The following OSBPL8 variants were observed in gnomAD, a reference collection of about 807,000 sequenced individuals.
OSBPL8 encodes oxysterol-binding protein-related protein 8.
Under a neutral mutation model 125.5 loss-of-function variants are expected in OSBPL8, and 59 were observed. The ratio of observed to expected loss-of-function variants is 0.47; its 90% CI spans 0.38 to 0.58. The LOEUF (loss-of-function observed/expected upper bound fraction) is 0.58. Among genes scored for constraint, OSBPL8 ranks in the 20% least tolerant of loss-of-function variants. The pLI is 0.00. For missense variants in OSBPL8, 758 were observed against 1,047.8 expected (o/e 0.72, Z 3.82); for synonymous variants, 330 against 338.9 (o/e 0.97, Z 0.29).
chr12:76,366,111 G>A (rs1255805117), intron 21 of OSBPL8, among the ~76,000 whole-genome samples: 1 of 152,170 alleles, frequency 6.6e-6, no homozygotes, highest in Non-Finnish European at 1.5e-5. Flanking sequence ...GAATAAGTTA[G>A]GAAATGTTCC....
At chr12:76,446,823 T>C (rs1002222562) in intron 4 of OSBPL8, among the ~76,000 whole-genome samples, 1 of 152,072 alleles carries the variant, frequency 6.6e-6, no homozygotes, top group African/African-American at 2.4e-5. Flanking sequence ...TACCAATGAC[T>C]GAAACACAAT....
chr12:76,461,109 T>C (rs919584848), intron 2 of OSBPL8, among the ~76,000 whole-genome samples: 7 of 152,182 alleles, frequency 4.6e-5, no homozygotes, highest in African/African-American at 1.7e-4. Context: ...CAAAGTTATA[T>C]TCTCCTGGGC....
chr12:76,522,723 C>A (rs1950056653), intron 1 of OSBPL8, among the ~76,000 whole-genome samples: 1 of 152,156 alleles, frequency 6.6e-6, no homozygotes, highest in Non-Finnish European at 1.5e-5. Flanking sequence ...GCTAAACAAA[C>A]CTCTTTTCTT....
intron 1 of OSBPL8, among the ~76,000 whole-genome samples, chr12:76,553,704 G>C (rs1412566482): frequency 6.7e-6 from 1 of 148,954 alleles, no homozygotes. Flanking sequence ...GGCCAGAGGA[G>C]GTAGCTCACG....
rs146491659 is a variant in OSBPL8, at chr12:76,492,508, G to A, written c.-67-4890C>T. Among the ~76,000 whole-genome samples, 3 of 152,266 alleles carry A rather than the reference G, an allele frequency of 2.0e-5. No individual in the cohort carries two copies. In the East Asian group the frequency reaches 5.8e-4, roughly 29 times the overall value. On this transcript the variant is annotated intron_variant, in intron 1 of 23. Coordinates refer to ENST00000261183, the MANE Select transcript of OSBPL8 (RefSeq NM_020841.5). ...TGGACCACACAGCAGGAGGTGAAAG[G>A]TGGGTGAGTGAGTGAAGCTTCATCT...
At chr12:76,398,067 T>C (rs1442420028) in intron 7 of OSBPL8, among the ~76,000 whole-genome samples, 170 bp from the exon 8 acceptor site, 3 of 152,220 alleles carry the variant, frequency 2.0e-5, no homozygotes, top group Admixed American at 6.5e-5. Context: ...GAAAATGACA[T>C]GGCTCTTATT....
rs1050483039 is a variant in OSBPL8, at chr12:76,421,880, C to T, written c.218-11246G>A. Among the ~76,000 whole-genome samples the T allele has an allele frequency of 1.1e-4, 17 of 151,658 alleles. 1 individual carries two copies. The South Asian group carries it at 2.9e-3, about 26-fold the overall frequency. On this transcript the variant is annotated intron_variant, in intron 4 of 23. Coordinates refer to ENST00000261183, the MANE Select transcript of OSBPL8 (RefSeq NM_020841.5). ...TGCCTAAATCATAGCTGTCAAATGC[C>T]TAATAAATATAACCCTAAAAATATC...
Position 76,465,433 on chromosome 12 carries a change from G to A in OSBPL8, c.43-5538C>T, listed in dbSNP as rs1161307429. Among the ~76,000 whole-genome samples the A allele has an allele frequency of 2.6e-5, 4 of 151,946 alleles. 1 individual carries two copies. Among genetic ancestry groups the A allele is most frequent in the African/African-American group, 7.3e-5 (3 of 41,340 alleles). On this transcript the variant is annotated intron_variant, in intron 2 of 23. Coordinates refer to ENST00000261183, the MANE Select transcript of OSBPL8 (RefSeq NM_020841.5). ...AAATTAGCCGGGCGTGGTGGCGGGC[G>A]CCTATAGTCCTAGCTACTCAGGAGG...
intron 4 of OSBPL8, among the ~76,000 whole-genome samples, chr12:76,417,329 C>A (rs1231952382): frequency 6.6e-6 from 1 of 152,184 alleles, no homozygotes; most frequent in Non-Finnish European, 1.5e-5. Context: ...CACCCTCTGT[C>A]TTTGATGGTC....
intron 21 of OSBPL8, among the ~76,000 whole-genome samples, chr12:76,367,226 A>AT (rs1952450594): frequency 9.3e-6 from 1 of 107,178 alleles, no homozygotes. Context: ...GGCTTTGTTG[A>AT]TTGGTGTGTG....
chr12:76,539,789 G>T (rs1222338285), intron 1 of OSBPL8, among the ~76,000 whole-genome samples: 1 of 152,156 alleles, frequency 6.6e-6, no homozygotes, highest in Non-Finnish European at 1.5e-5. Context: ...TATACAAGAA[G>T]ATAGCACGAT....
chr12:76,556,192 C>G (rs1488342242), intron 1 of OSBPL8, among the ~76,000 whole-genome samples: 1 of 152,148 alleles, frequency 6.6e-6, no homozygotes, highest in African/African-American at 2.4e-5. Flanking sequence ...AACTATTGAA[C>G]ATTTGGAGAT....
rs149046272 is a variant in OSBPL8, at chr12:76,492,513, T to C, written c.-67-4895A>G. On this transcript the variant is annotated intron_variant, in intron 1 of 23. Coordinates refer to ENST00000261183, the MANE Select transcript of OSBPL8 (RefSeq NM_020841.5). ...CACACAGCAGGAGGTGAAAGGTGGG[T>C]GAGTGAGTGAAGCTTCATCTGTATT... 7.8e-4 allele frequency among the ~76,000 whole-genome samples: 119 copies of C among 152,160 alleles called. 1 individual carries two copies. The highest frequency in any genetic ancestry group is 1.0e-3 in the Non-Finnish European group (71 of 67,974).
At chr12:76,508,310 C>G (rs12298661) in intron 1 of OSBPL8, among the ~76,000 whole-genome samples, 21,968 of 152,176 alleles carry the variant, frequency 0.14, 1,771 homozygotes, top group South Asian at 0.23. Context: ...CTGAACTAAT[C>G]TACACTATAG....
chr12:76,445,001 G>A (rs1362428490), intron 4 of OSBPL8, among the ~76,000 whole-genome samples: 2 of 152,034 alleles, frequency 1.3e-5, no homozygotes, highest in Non-Finnish European at 2.9e-5. Flanking sequence ...ATTTCCCTCA[G>A]AGATCTACTT....
At chr12:76,490,290 C>T (rs116200757) in intron 1 of OSBPL8, among the ~76,000 whole-genome samples, 1,966 of 152,328 alleles carry the variant, frequency 0.013, 22 homozygotes, top group Middle Eastern at 0.037. Context: ...AAGCGTGAAA[C>T]GGCAGACCAA....
intron 15 of OSBPL8, among the ~76,000 whole-genome samples, chr12:76,382,844 T>C (rs1001768914): frequency 6.6e-6 from 1 of 152,082 alleles, no homozygotes; most frequent in Non-Finnish European, 1.5e-5. Flanking sequence ...GATTGTGCCA[T>C]TGCACTCACA....
intron 16 of OSBPL8, among the ~76,000 whole-genome samples, 197 bp downstream of exon 16, chr12:76,378,255 T>C (rs1385857852): frequency 6.6e-6 from 1 of 151,890 alleles, no homozygotes; most frequent in Non-Finnish European, 1.5e-5. Flanking sequence ...TCACAAAGAG[T>C]CCATTACAGG....
At chr12:76,482,951 C>G (rs12822777) in intron 2 of OSBPL8, among the ~76,000 whole-genome samples, 30,956 of 151,956 alleles carry the variant, frequency 0.2, 3,399 homozygotes, top group Non-Finnish European at 0.26. Context: ...AACAAGTGAG[C>G]AAATGTGTTT....
Sources: allele counts gnomAD v4.1 joint callset (sites outside exome capture counted in the v4.1 genomes callset), GRCh38; gene constraint gnomAD v4.1.1; transcripts MANE v1.5; gene names NCBI Gene and HGNC (gene_info 2026-07-23, HGNC 2026-07-21).